SCN10A: variants seen among roughly 807,000 people sequenced by gnomAD.
SCN10A encodes sodium channel protein type 10 subunit alpha.
A neutral mutation model predicts 170.7 loss-of-function variants in SCN10A; 162 were observed. The observed-to-expected ratio is 0.95, with a 90% confidence interval of 0.84 to 1.08. The LOEUF is 1.08. SCN10A is among the 50% of genes least tolerant of loss of function. The probability of loss-of-function intolerance (pLI) is 0.00; values close to 1 mark genes in which losing one functional copy is unlikely to be tolerated. For synonymous variants in SCN10A, 985 were observed against 904.6 expected, an observed-to-expected ratio of 1.09 and a Z score of -1.59; for missense variants, 2,527 against 2,436.9, an observed-to-expected ratio of 1.04 and a Z score of -0.78.
Position 38,771,282 on chromosome 3 carries a change from A to G in SCN10A, c.596T>C (p.Leu199Pro). The part of the protein sequence containing the change: ...WNWLDFSVIT[L>P]AYVGTAIDLR... ...ATCTGCATAGAGATATACTCACGCC[A>G]GGGTAATGACGCTAAAATCCAGCCA... Residue 199 changes from leucine (L) to proline (P), a missense_variant, in exon 5 of 28, where the codon CTG (leucine) becomes CCG (proline). Coordinates refer to ENST00000449082, the MANE Select transcript of SCN10A (RefSeq NM_006514.4). The G allele has an allele frequency of 6.2e-7, 1 of 1,614,006 alleles. No homozygotes were observed. Among genetic ancestry groups the G allele is most frequent in the Non-Finnish European group, 8.5e-7 (1 of 1,179,916 alleles).
At chr3:38,737,277 T>C (rs1426343876) in intron 15 of SCN10A, among the ~76,000 whole-genome samples, 7 of 151,530 alleles carry the variant, frequency 4.6e-5, no homozygotes, top group Non-Finnish European at 1.0e-4. Flanking sequence ...GCCTCGTATT[T>C]TATTAGAAAA....
intron 19 of SCN10A, 110 bp downstream of exon 19, chr3:38,723,320 C>G: frequency 7.3e-7 from 1 of 1,363,550 alleles, no homozygotes; most frequent in Non-Finnish European, 1.0e-6. Context: ...AGTGAGGCAG[C>G]AAGTGGGCAC....
intron 4 of SCN10A, among the ~76,000 whole-genome samples, chr3:38,775,643 T>C (rs1454953569): frequency 1.3e-5 from 2 of 152,142 alleles, no homozygotes; most frequent in Non-Finnish European, 2.9e-5. Context: ...AGTCACTGAG[T>C]CTTTCCCATA....
At position 38,706,057 on chromosome 3, in the gene SCN10A, C is replaced by T. The variant is rs535242654; in HGVS notation, c.4386+1222G>A. On this transcript the variant is annotated intron_variant, in intron 26 of 27. Transcript: ENST00000449082. ...TGGGTGATTTAGGAAGAAAGCTGTGCCCCTACAGAGGTCTGAACCTCCTAT... is the reference window on the plus strand; with the variant it reads ...TGGGTGATTTAGGAAGAAAGCTGTGTCCCTACAGAGGTCTGAACCTCCTAT... 3.0e-4 allele frequency among the ~76,000 whole-genome samples: 46 copies of T among 152,250 alleles called. No homozygotes were observed. The South Asian group carries it at 6.0e-3, about 20-fold the overall frequency.
At chr3:38,736,149 TTC>T (rs1438502115) in intron 15 of SCN10A, among the ~76,000 whole-genome samples, 1 of 152,190 alleles carries the variant, frequency 6.6e-6, no homozygotes, top group Non-Finnish European at 1.5e-5. Flanking sequence ...AGCCAAGAAG[TTC>T]TCTGTTATGT....
chr3:38,734,793 A>T (rs574663613), intron 15 of SCN10A, among the ~76,000 whole-genome samples: 20 of 152,358 alleles, frequency 1.3e-4, no homozygotes, highest in African/African-American at 4.3e-4. Context: ...ACCTGTTATT[A>T]ACACTTCTTT....
At chr3:38,810,005 A>G (rs2064430108) in intron 1 of SCN10A, among the ~76,000 whole-genome samples, 1 of 152,140 alleles carries the variant, frequency 6.6e-6, no homozygotes, top group Admixed American at 6.6e-5. Flanking sequence ...CCACATACAC[A>G]TTGCACTCTG....
rs373411320 is a variant in SCN10A, at chr3:38,766,219, C to T, written c.600-2623G>A. Among the ~76,000 whole-genome samples the T allele has an allele frequency of 3.7e-4, 56 of 152,016 alleles. No individual in the cohort carries two copies. The South Asian group carries it at 6.2e-3, about 17-fold the overall frequency. Reference sequence around the variant, plus strand: ...ACTTCCCCTTTACTGATTTGGATTCCCTTTATTTATTTCTCTTGTCTGATT... The same window carrying T: ...ACTTCCCCTTTACTGATTTGGATTCTCTTTATTTATTTCTCTTGTCTGATT... On this transcript the variant is annotated intron_variant, in intron 5 of 27. Coordinates refer to ENST00000449082, the MANE Select transcript of SCN10A (RefSeq NM_006514.4).
At chr3:38,764,858 T>C (rs1441956925) in intron 5 of SCN10A, among the ~76,000 whole-genome samples, 1 of 152,328 alleles carries the variant, frequency 6.6e-6, no homozygotes, top group East Asian at 1.9e-4. Flanking sequence ...TCCTTTTCAT[T>C]ACATCCATGC....
chr3:38,762,342 G>A (rs1249752209), intron 6 of SCN10A, among the ~76,000 whole-genome samples: 1 of 152,206 alleles, frequency 6.6e-6, no homozygotes, highest in East Asian at 1.9e-4. Flanking sequence ...CAGGGGAGCA[G>A]CCCTTAACTG....
chr3:38,714,222 A>C, intron 21 of SCN10A, 142 bp from the exon 22 acceptor site: 1 of 948,496 alleles, frequency 1.1e-6, no homozygotes, highest in Non-Finnish European at 1.6e-6. Context: ...TCGGAACTCC[A>C]ATGAGAGGTC....
At chr3:38,775,781 T>C (rs978893210) in intron 4 of SCN10A, among the ~76,000 whole-genome samples, 2 of 152,198 alleles carry the variant, frequency 1.3e-5, no homozygotes, top group African/African-American at 4.8e-5. Context: ...AATGCAATAC[T>C]TCTAATTAAG....
At chr3:38,809,256 T>C (rs548281363) in intron 1 of SCN10A, among the ~76,000 whole-genome samples, 2 of 151,898 alleles carry the variant, frequency 1.3e-5, no homozygotes, top group Non-Finnish European at 2.9e-5. Flanking sequence ...AATGCAACTT[T>C]TGGAGGAATT....
At chr3:38,794,101 C>T in intron 1 of SCN10A, 59 bp from the exon 2 acceptor site, 1 of 1,156,170 alleles carries the variant, frequency 8.6e-7, no homozygotes, top group Admixed American at 1.8e-5. Context: ...CCCTGTCCCT[C>T]TCATCTGTCC....
intron 20 of SCN10A, among the ~76,000 whole-genome samples, chr3:38,719,922 C>G (rs1486907787): frequency 6.6e-6 from 1 of 152,224 alleles, no homozygotes; most frequent in Admixed American, 6.5e-5. Context: ...CAGACACCCC[C>G]TTCCTGATGG....
intron 15 of SCN10A, among the ~76,000 whole-genome samples, chr3:38,739,144 G>A (rs1051033853): frequency 3.9e-5 from 6 of 152,182 alleles, no homozygotes; most frequent in Non-Finnish European, 5.9e-5. Flanking sequence ...GTTGTTGTGA[G>A]CATAAAATGA....
chr3:38,742,242 A>ACCCCCCCCCCCCCCCCCCCCCCCCCCCC, intron 14 of SCN10A, 49 bp downstream of exon 14: 1 of 1,214,184 alleles, frequency 8.2e-7, no homozygotes, highest in East Asian at 2.5e-5. Context: ...CATCATCCCC[A>ACCCCCCCCCCCCCCCCCCCCCCCCCCCC]CCCCGCCCCG....
At chr3:38,720,664 G>T (rs567761568) in intron 20 of SCN10A, among the ~76,000 whole-genome samples, 1 of 152,186 alleles carries the variant, frequency 6.6e-6, no homozygotes, top group East Asian at 1.9e-4. Context: ...CTGGCGCAGT[G>T]CTGCAGGTCT....
At chr3:38,739,967 TATA>T (rs1184301105) in intron 14 of SCN10A, among the ~76,000 whole-genome samples, 2 of 152,160 alleles carry the variant, frequency 1.3e-5, no homozygotes, top group East Asian at 1.9e-4. Flanking sequence ...AGATCATTAT[TATA>T]ATATCATTTT....
Sources: allele counts gnomAD v4.1 joint callset (sites outside exome capture counted in the v4.1 genomes callset), GRCh38; gene constraint gnomAD v4.1.1; transcripts MANE v1.5; gene names NCBI Gene and HGNC (gene_info 2026-07-23, HGNC 2026-07-21).